Variants in SAMD4A observed in about 807,000 individuals in gnomAD.
SAMD4A encodes protein Smaug homolog 1.
In SAMD4A, 33 loss-of-function variants were observed where a neutral mutation model predicts 81.3. The observed-to-expected ratio is 0.41, with a 90% CI of 0.31 to 0.54. The LOEUF is 0.54. Among genes scored for constraint, SAMD4A ranks in the 20% least tolerant of loss-of-function variants. SAMD4A has a pLI of 0.37. For synonymous variants in SAMD4A, 389 were observed against 382.1 expected (o/e 1.02, Z -0.21); for missense variants, 854 against 951.1 (o/e 0.90, Z 1.34).
chr14:54,652,254 A>G (rs190449017), intron 2 of SAMD4A, among the ~76,000 whole-genome samples: 1 of 152,374 alleles, frequency 6.6e-6, no homozygotes, highest in East Asian at 1.9e-4. Context: ...AGAGATTTAT[A>G]TGGTCAAATC....
rs182705883 is a variant in SAMD4A at position 54,581,328 on chromosome 14, G to T, written c.196+13216G>T. Among the ~76,000 whole-genome samples, 558 of 152,332 alleles carry T rather than the reference G, an allele frequency of 3.7e-3. 6 individuals are homozygous for T. Among genetic ancestry groups the T allele is most frequent in the African/African-American group, 0.013 (533 of 41,574 alleles). ...AAAGGTTCAGGAAAAGATGACCATG[G>T]TTTCTTTTTCAGAGCTTTTGCACTG... On this transcript the variant is annotated intron_variant, in intron 2 of 12. Coordinates refer to ENST00000554335, the MANE Select transcript of SAMD4A (RefSeq NM_015589.6).
rs149516759 is a variant in SAMD4A at position 54,572,355 on chromosome 14, A to G, written c.196+4243A>G. 1.4e-3 allele frequency among the ~76,000 whole-genome samples: 209 copies of G among 152,318 alleles called. 1 individual carries two copies. Among genetic ancestry groups the G allele is most frequent in the African/African-American group, 4.5e-3 (189 of 41,570 alleles). On this transcript the variant is annotated intron_variant, in intron 2 of 12. Coordinates refer to ENST00000554335, the MANE Select transcript of SAMD4A (RefSeq NM_015589.6). ...TGAGGGGCGAATAGGAGTTGGTTCA[A>G]TATTTTAATATAAAAAGATTGTAAA...
At chr14:54,784,732 A>C (rs878948710) in intron 12 of SAMD4A, 112 bp downstream of exon 12, 1 of 956,198 alleles carries the variant, frequency 1.0e-6, no homozygotes, top group Non-Finnish European at 1.7e-6. Context: ...GGGGAGGACA[A>C]GGAGGGGTAG....
At chr14:54,688,673 A>G (rs970154987) in intron 2 of SAMD4A, among the ~76,000 whole-genome samples, 1 of 152,170 alleles carries the variant, frequency 6.6e-6, no homozygotes, top group Non-Finnish European at 1.5e-5. Flanking sequence ...TTGACTTAAA[A>G]AAAAATCCAA....
chr14:54,703,719 A>G (rs577343543), intron 3 of SAMD4A: 1 of 152,228 alleles, frequency 6.6e-6, no homozygotes, highest in East Asian at 1.9e-4. Flanking sequence ...AAATACAAAA[A>G]TTAGCCGGAC....
chr14:54,775,259 A>C, intron 10 of SAMD4A, 124 bp downstream of exon 10: 2 of 1,005,026 alleles, frequency 2.0e-6, no homozygotes, highest in Non-Finnish European at 3.1e-6. Context: ...GGCAGTTGCC[A>C]CCATTCCTCA....
At chr14:54,591,562 T>C (rs1009438242) in intron 2 of SAMD4A, among the ~76,000 whole-genome samples, 8 of 152,084 alleles carry the variant, frequency 5.3e-5, no homozygotes, top group African/African-American at 1.7e-4. Context: ...TTTGAGACTT[T>C]ACCAGGAGTT....
intron 3 of SAMD4A, among the ~76,000 whole-genome samples, chr14:54,723,331 A>G (rs2037311824): frequency 1.3e-5 from 2 of 152,164 alleles, no homozygotes; most frequent in Admixed American, 6.5e-5. Flanking sequence ...TAATTTAGTT[A>G]TAGGGAATCT....
chr14:54,605,477 G>A (rs1295726576), intron 2 of SAMD4A, among the ~76,000 whole-genome samples: 1 of 152,082 alleles, frequency 6.6e-6, no homozygotes, highest in Admixed American at 6.6e-5. Context: ...GTGCTTTGGT[G>A]AAAAGCAAAG....
chr14:54,772,947 A>C (rs193190604), intron 9 of SAMD4A, among the ~76,000 whole-genome samples: 1 of 152,140 alleles, frequency 6.6e-6, no homozygotes. Flanking sequence ...CTTCCTTCAA[A>C]CCAAAAAATC....
At chr14:54,619,735 T>C (rs1404539206) in intron 2 of SAMD4A, among the ~76,000 whole-genome samples, 1 of 152,112 alleles carries the variant, frequency 6.6e-6, no homozygotes, top group East Asian at 1.9e-4. Flanking sequence ...AGTGAGAACA[T>C]GCGGTATTTG....
chr14:54,783,769 C>T lies in SAMD4A; in HGVS notation c.2045-768C>T, dbSNP rs190750965. On this transcript the variant is annotated intron_variant, in intron 11 of 12. Transcript: ENST00000554335. Reference sequence around the variant, plus strand: ...GGCTTGTTGGGCAGATTAAGGAGCCCGCACACCTAAAGCCCCCCACGTGGT... The same window carrying T: ...GGCTTGTTGGGCAGATTAAGGAGCCTGCACACCTAAAGCCCCCCACGTGGT... Among the ~76,000 whole-genome samples, 23 of 152,274 alleles carry T rather than the reference C, an allele frequency of 1.5e-4. No individual in the cohort carries two copies. In the East Asian group the frequency reaches 1.9e-3, roughly 13 times the overall value.
At chr14:54,741,014 CT>C (rs924588801) in intron 4 of SAMD4A, among the ~76,000 whole-genome samples, 15 of 152,212 alleles carry the variant, frequency 9.9e-5, no homozygotes, top group African/African-American at 3.6e-4. Flanking sequence ...ACTTTCTTCC[CT>C]TTACCCTTCC....
intron 9 of SAMD4A, 21 bp from the exon 10 acceptor site, chr14:54,774,913 C>T (rs765932432): frequency 1.9e-6 from 3 of 1,613,626 alleles, no homozygotes; most frequent in Non-Finnish European, 2.5e-6. Context: ...TATTCTCTTC[C>T]TTCTCTCTTG....
At chr14:54,669,451 T>TC (rs1236959289) in intron 2 of SAMD4A, among the ~76,000 whole-genome samples, 2 of 145,892 alleles carry the variant, frequency 1.4e-5, no homozygotes, top group African/African-American at 5.1e-5. Flanking sequence ...CTTTCTTTTT[T>TC]TTTTTTTTTT....
chr14:54,608,598 G>A (rs2034277357), intron 2 of SAMD4A, among the ~76,000 whole-genome samples: 2 of 152,200 alleles, frequency 1.3e-5, no homozygotes, highest in South Asian at 4.1e-4. Flanking sequence ...GACATGCTGT[G>A]CTGGCACATA....
intron 2 of SAMD4A, among the ~76,000 whole-genome samples, chr14:54,630,134 A>G (rs1353977050): frequency 6.6e-6 from 1 of 152,216 alleles, no homozygotes; most frequent in Non-Finnish European, 1.5e-5. Flanking sequence ...TGCTGCTATG[A>G]ACAGGGGTTT....
At position 54,764,512 on chromosome 14, in the gene SAMD4A, A is replaced by G; in HGVS notation, c.1568A>G (p.Gln523Arg). 6.2e-7 allele frequency: 1 copy of G among 1,612,586 alleles called. No individual in the cohort carries two copies. Among genetic ancestry groups the G allele is most frequent in the Non-Finnish European group, 8.5e-7 (1 of 1,178,924 alleles). Residue 523 changes from glutamine to arginine, a missense_variant, in exon 8 of 13, where the codon CAG becomes CGG. Coordinates refer to ENST00000554335, the MANE Select transcript of SAMD4A (RefSeq NM_015589.6). Reference sequence around the variant, plus strand: ...GAGGAAAATATAAGTTCCTATTTACAGCTCATAGACAAGTGTCTAATTCAT... The same window carrying G: ...GAGGAAAATATAAGTTCCTATTTACGGCTCATAGACAAGTGTCTAATTCAT... ...PDEENISSYL[Q>R]LIDKCLIHEA...
chr14:54,753,795 CA>C (rs2038171908), intron 6 of SAMD4A, among the ~76,000 whole-genome samples: 1 of 152,148 alleles, frequency 6.6e-6, no homozygotes, highest in Non-Finnish European at 1.5e-5. Flanking sequence ...AAGTGAATTA[CA>C]AATTACAAGT....
Sources: allele counts gnomAD v4.1 joint callset (sites outside exome capture counted in the v4.1 genomes callset), GRCh38; gene constraint gnomAD v4.1.1; transcripts MANE v1.5; gene names NCBI Gene and HGNC (gene_info 2026-07-23, HGNC 2026-07-21).